ELP1: variants seen among roughly 807,000 people sequenced by gnomAD.
The protein encoded by ELP1 is elongator complex protein 1.
ELP1 carries 131 observed loss-of-function variants against 183.2 expected under a neutral mutation model. That is an observed-to-expected ratio of 0.72 (90% CI 0.62 to 0.83). ELP1 has a LOEUF of 0.83. ELP1 is among the 40% of genes least tolerant of loss of function. The pLI, the probability that ELP1 is intolerant of heterozygous loss-of-function variation, is 0.00. For synonymous variants in ELP1, 555 were observed against 569.0 expected, an observed-to-expected ratio of 0.98 and a Z score of 0.35; for missense variants, 1,550 against 1,594.9, an observed-to-expected ratio of 0.97 and a Z score of 0.48.
At chr9:108,933,339 G>C (rs1830061679) in intron 1 of ELP1, among the ~76,000 whole-genome samples, 1 of 152,096 alleles carries the variant, frequency 6.6e-6, no homozygotes, top group Non-Finnish European at 1.5e-5. Context: ...TTTACGATCC[G>C]GTTTGTGGCC....
At chr9:108,889,991 A>C (rs1828261607) in intron 28 of ELP1, among the ~76,000 whole-genome samples, 1 of 152,238 alleles carries the variant, frequency 6.6e-6, no homozygotes, top group Admixed American at 6.5e-5. Context: ...TCCAGTGTGT[A>C]ACATTTCTCA....
chr9:108,901,378 A>C (rs1181546577), intron 18 of ELP1, 47 bp downstream of exon 18: 3 of 1,325,722 alleles, frequency 2.3e-6, no homozygotes, highest in Admixed American at 3.4e-5. Flanking sequence ...AGACTCCAAA[A>C]GACATTGGAG....
At chr9:108,898,604 T>C (rs747867439) in intron 21 of ELP1, 23 bp from the exon 22 acceptor site, 38 of 1,603,124 alleles carry the variant, frequency 2.4e-5, no homozygotes, top group South Asian at 8.8e-5. Flanking sequence ...GGACAAAACA[T>C]CTTCGTTCAG....
At chr9:108,911,243 C>G (rs1829213100) in intron 11 of ELP1, 63 bp from the exon 12 acceptor site, 1 of 1,445,160 alleles carries the variant, frequency 6.9e-7, no homozygotes, top group South Asian at 1.2e-5. Context: ...GATAAGCCAT[C>G]TGAACATCAC....
chr9:108,922,751 T>G, intron 6 of ELP1, 91 bp downstream of exon 6: 1 of 880,610 alleles, frequency 1.1e-6, no homozygotes. Flanking sequence ...TGTTCATTAC[T>G]GGCATCTAAG....
At chr9:108,872,804 GAAAAAAAAAAAAAAAAAAAAA>G (rs58139943) in intron 36 of ELP1, among the ~76,000 whole-genome samples, 1 of 83,378 alleles carries the variant, frequency 1.2e-5, no homozygotes, top group African/African-American at 8.6e-5. Flanking sequence ...GACTCTGTCT[GAAAAAAAAAAAAAAAAAAAAA>G]AAAAAAAAAA....
At position 108,906,698 on chromosome 9, in the gene ELP1, A is replaced by G. The variant is rs3750460; in HGVS notation, c.1461-213T>C. On this transcript the variant is annotated intron_variant, in intron 13 of 36. Transcript: ENST00000374647. ...TTTTTATATTTTCCCTAAATTTCTCATACCCTGAAATCTTTAAATTTGAAG... is the reference window on the plus strand; with the variant it reads ...TTTTTATATTTTCCCTAAATTTCTCGTACCCTGAAATCTTTAAATTTGAAG... 0.086 allele frequency among the ~76,000 whole-genome samples: 13,050 copies of G among 152,170 alleles called. 645 individuals are homozygous for G. Among genetic ancestry groups the G allele is most frequent in the East Asian group, 0.16 (839 of 5,174 alleles).
At chr9:108,904,868 T>C (rs1828960052) in intron 14 of ELP1, among the ~76,000 whole-genome samples, 1 of 152,226 alleles carries the variant, frequency 6.6e-6, no homozygotes, top group Admixed American at 6.5e-5. Flanking sequence ...TAATATTTTA[T>C]ATGAACAAAA....
chr9:108,900,495 A>G, intron 18 of ELP1, 120 bp from the exon 19 acceptor site: 1 of 770,724 alleles, frequency 1.3e-6, no homozygotes, highest in Non-Finnish European at 2.3e-6. Flanking sequence ...CATGTGCCTT[A>G]GCTCTCCCAC....
At chr9:108,912,077 G>A (rs1430011034) in intron 11 of ELP1, among the ~76,000 whole-genome samples, 187 bp downstream of exon 11, 1 of 152,124 alleles carries the variant, frequency 6.6e-6, no homozygotes, top group Non-Finnish European at 1.5e-5. Context: ...AAACTGGTGG[G>A]GGAGGGGGGA....
intron 29 of ELP1, among the ~76,000 whole-genome samples, chr9:108,884,795 C>T (rs757069282): frequency 1.3e-5 from 2 of 152,090 alleles, no homozygotes; most frequent in Non-Finnish European, 1.5e-5. Flanking sequence ...TAAGCCATCA[C>T]CTTGGTCAGG....
chr9:108,906,219 G>T, intron 14 of ELP1, 84 bp downstream of exon 14: 1 of 1,322,046 alleles, frequency 7.6e-7, no homozygotes, highest in Non-Finnish European at 1.1e-6. Context: ...TTGATCAATA[G>T]AAGTCAAAAG....
intron 29 of ELP1, among the ~76,000 whole-genome samples, chr9:108,885,490 T>C (rs1378636782): frequency 1.4e-5 from 2 of 146,686 alleles, no homozygotes; most frequent in Non-Finnish European, 3.0e-5. Context: ...TAGGCTAATG[T>C]CTACTAAAGT....
chr9:108,900,624 A>C (rs192841726), intron 18 of ELP1, among the ~76,000 whole-genome samples: 143 of 152,324 alleles, frequency 9.4e-4, no homozygotes, highest in African/African-American at 3.3e-3. Context: ...GTGGAGAAAC[A>C]CAGTTAAGAA....
intron 8 of ELP1, among the ~76,000 whole-genome samples, 176 bp from the exon 9 acceptor site, chr9:108,917,846 C>T (rs1829506590): frequency 6.6e-6 from 1 of 152,158 alleles, no homozygotes; most frequent in Admixed American, 6.5e-5. Flanking sequence ...GCGAGCGGTT[C>T]ATCCCACTGT....
At position 108,929,312 on chromosome 9, in the gene ELP1, T is replaced by C. The variant is rs573151156; in HGVS notation, c.303+457A>G. Among the ~76,000 whole-genome samples the C allele has an allele frequency of 7.2e-5, 11 of 152,342 alleles. No individual in the cohort carries two copies. The South Asian group carries it at 2.1e-3, about 29-fold the overall frequency. On this transcript the variant is annotated intron_variant, in intron 3 of 36. Coordinates refer to ENST00000374647, the MANE Select transcript of ELP1 (RefSeq NM_003640.5). ...TGAAGTCTAGCTCTACTGGCAGTCA[T>C]CACATGTGCAGGTAATGACAATGTA...
intron 1 of ELP1, among the ~76,000 whole-genome samples, chr9:108,933,417 C>A (rs982007428): frequency 1.3e-5 from 2 of 152,224 alleles, no homozygotes; most frequent in African/African-American, 4.8e-5. Flanking sequence ...ACTGTCTCCA[C>A]GGAGATCATC....
At chr9:108,881,899 G>A in intron 30 of ELP1, 134 bp from the exon 31 acceptor site, 1 of 700,866 alleles carries the variant, frequency 1.4e-6, no homozygotes, top group Non-Finnish European at 2.5e-6. Context: ...CTACAAGGCA[G>A]CCAAGGAAAT....
In ELP1 at chr9:108,908,380, G is replaced by A; in HGVS notation, c.1385C>T (p.Thr462Ile). 6.2e-7 allele frequency: 1 copy of A among 1,614,092 alleles called. No individual in the cohort carries two copies. The highest frequency in any genetic ancestry group is 8.5e-7 in the Non-Finnish European group (1 of 1,179,970). Residue 462 changes from threonine to isoleucine, a missense_variant, in exon 13 of 37, where the codon ACA becomes ATA. Coordinates refer to ENST00000374647, the MANE Select transcript of ELP1 (RefSeq NM_003640.5). ...TCCACCCACAGCTCCCAGTTTCACT[G>A]TAGGGTCAGCACTTGGACAATCACC... is the stretch of plus-strand genomic sequence containing the variant. ...KCGDCPSADPTVKLGAVGGSG... is the reference protein window; with the variant it reads ...KCGDCPSADPIVKLGAVGGSG...
Sources: gnomAD v4.1 joint callset for allele counts (sites outside exome capture counted in the v4.1 genomes callset) on GRCh38, gnomAD v4.1.1 for gene constraint, MANE v1.5 for transcripts, NCBI Gene and HGNC (gene_info 2026-07-23, HGNC 2026-07-21) for gene names.